HS3ST2: variants seen among roughly 807,000 people sequenced by gnomAD.
HS3ST2 encodes the protein heparan sulfate glucosamine 3-O-sulfotransferase 2.
Under a neutral mutation model 26.3 loss-of-function variants are expected in HS3ST2, and 17 were observed. The observed-to-expected ratio is 0.65, with a 90% CI of 0.44 to 0.97. The LOEUF (loss-of-function observed/expected upper bound fraction) is 0.97. Ranked by LOEUF, HS3ST2 falls within the 50% of genes least tolerant of loss-of-function variation. The probability of loss-of-function intolerance (pLI) is 0.00; values close to 1 mark genes in which losing one functional copy is unlikely to be tolerated. For missense variants in HS3ST2, 402 were observed against 501.2 expected (o/e 0.80, Z 1.89); for synonymous variants, 237 against 219.2 (o/e 1.08, Z -0.72).
intron 1 of HS3ST2, among the ~76,000 whole-genome samples, chr16:22,899,108 T>C (rs911535969): frequency 2.0e-5 from 3 of 152,156 alleles, no homozygotes; most frequent in African/African-American, 7.2e-5. Context: ...TAAAGCTTGG[T>C]GTTAACAAAC....
chr16:22,892,162 T>C (rs1310418854), intron 1 of HS3ST2, among the ~76,000 whole-genome samples: 9 of 146,818 alleles, frequency 6.1e-5, no homozygotes, highest in Middle Eastern at 3.3e-3. Flanking sequence ...TGGTGGCAGG[T>C]GCCTATAGTC....
intron 1 of HS3ST2, among the ~76,000 whole-genome samples, chr16:22,898,620 G>A (rs1441925137): frequency 2.6e-5 from 4 of 152,164 alleles, no homozygotes; most frequent in Non-Finnish European, 5.9e-5. Flanking sequence ...GCTGGGTTTT[G>A]CAAATGCCTT....
At chr16:22,842,017 G>A (rs1596610865) in intron 1 of HS3ST2, among the ~76,000 whole-genome samples, 1 of 140,630 alleles carries the variant, frequency 7.1e-6, no homozygotes, top group South Asian at 2.3e-4. Context: ...GTTTTTCGCT[G>A]TATCTTTGGT....
Position 22,815,052 on chromosome 16 carries a change from C to T in HS3ST2, c.442C>T (p.His148Tyr). Reference sequence around the variant, plus strand: ...CGTGCGGGCCTTGGGCACGGAACCCCACTTCTTTGACAGGAACTACGGCCG... The same window carrying T: ...CGTGCGGGCCTTGGGCACGGAACCCTACTTCTTTGACAGGAACTACGGCCG... ...PDVRALGTEP[H>Y]FFDRNYGRGL... Residue 148 changes from histidine to tyrosine, a missense_variant, in exon 1 of 2, where the codon CAC (histidine) becomes TAC (tyrosine). Coordinates refer to ENST00000261374, the MANE Select transcript of HS3ST2 (RefSeq NM_006043.2). The T allele has an allele frequency of 1.2e-6, 2 of 1,613,134 alleles. No individual in the cohort carries two copies. The highest frequency in any genetic ancestry group is 1.7e-6 in the Non-Finnish European group (2 of 1,180,022).
Position 22,916,301 on chromosome 16 carries a change from G to C in HS3ST2, c.*739G>C, listed in dbSNP as rs1902495648. 6.5e-6 allele frequency: 1 copy of C among 152,688 alleles called. No individual in the cohort carries two copies. The highest frequency in any genetic ancestry group is 2.1e-4 in the South Asian group (1 of 4,828). 9.5% of individuals were successfully genotyped at this position (152,688 alleles called of 1,614,324 possible). On this transcript the variant is annotated 3_prime_UTR_variant, in exon 2 of 2. Coordinates refer to ENST00000261374, the MANE Select transcript of HS3ST2 (RefSeq NM_006043.2). Reference sequence around the variant, plus strand: ...TTCAGCATGCAATGGAATCATGCTTGTCCATGTGAAATAAATATGGCTCTC... The same window carrying C: ...TTCAGCATGCAATGGAATCATGCTTCTCCATGTGAAATAAATATGGCTCTC...
chr16:22,837,576 T>TAC (rs1210442665), intron 1 of HS3ST2, among the ~76,000 whole-genome samples: 6 of 136,588 alleles, frequency 4.4e-5, no homozygotes, highest in Non-Finnish European at 9.4e-5. Flanking sequence ...CATATATATA[T>TAC]ATACACACAC....
chr16:22,848,169 G>A (rs1901470509), intron 1 of HS3ST2, among the ~76,000 whole-genome samples: 1 of 152,140 alleles, frequency 6.6e-6, no homozygotes, highest in Non-Finnish European at 1.5e-5. Flanking sequence ...AATGTAGCTG[G>A]AAGAGCCTGG....
At chr16:22,903,029 G>A (rs575460615) in intron 1 of HS3ST2, among the ~76,000 whole-genome samples, 1 of 152,208 alleles carries the variant, frequency 6.6e-6, no homozygotes, top group South Asian at 2.1e-4. Flanking sequence ...TTTATTTATG[G>A]TATTTTTCTA....
Position 22,908,496 on chromosome 16 carries a change from C to G in HS3ST2, c.486-6448C>G, listed in dbSNP as rs183046555. On this transcript the variant is annotated intron_variant, in intron 1 of 1. Transcript: ENST00000261374. The stretch of plus-strand genomic sequence containing the variant: ...ATAAAGAAAATGAATTTATTTCTTA[C>G]AGTTATTGAGGTTGAGAAGTCCAAG... Among the ~76,000 whole-genome samples the G allele has an allele frequency of 1.3e-3, 196 of 152,228 alleles. 1 individual carries two copies. The highest frequency in any genetic ancestry group is 4.6e-3 in the African/African-American group (190 of 41,526).
chr16:22,867,079 T>G (rs1461969171), intron 1 of HS3ST2, among the ~76,000 whole-genome samples: 3 of 152,188 alleles, frequency 2.0e-5, no homozygotes, highest in African/African-American at 7.2e-5. Context: ...TAATTAAAAG[T>G]ATAGTACTGC....
At chr16:22,824,067 A>G (rs940958601) in intron 1 of HS3ST2, among the ~76,000 whole-genome samples, 2 of 152,212 alleles carry the variant, frequency 1.3e-5, no homozygotes, top group Admixed American at 6.5e-5. Context: ...GTATCTGTAG[A>G]CGTCAGTGTC....
At chr16:22,895,145 A>G (rs1208646927) in intron 1 of HS3ST2, among the ~76,000 whole-genome samples, 1 of 148,816 alleles carries the variant, frequency 6.7e-6, no homozygotes, top group Non-Finnish European at 1.5e-5. Context: ...ACTGGAGTGC[A>G]GTGGCATGAT....
At chr16:22,874,662 T>A (rs1409202502) in intron 1 of HS3ST2, among the ~76,000 whole-genome samples, 1 of 152,238 alleles carries the variant, frequency 6.6e-6, no homozygotes, top group Non-Finnish European at 1.5e-5. Context: ...CAGAGGCACC[T>A]GCTGGGGCTG....
At chr16:22,851,296 C>T (rs971958859) in intron 1 of HS3ST2, among the ~76,000 whole-genome samples, 2 of 152,202 alleles carry the variant, frequency 1.3e-5, no homozygotes, top group Non-Finnish European at 2.9e-5. Context: ...TATAAACCAC[C>T]TGCATTTTAT....
At chr16:22,840,950 G>A (rs1382083017) in intron 1 of HS3ST2, among the ~76,000 whole-genome samples, 2 of 150,994 alleles carry the variant, frequency 1.3e-5, no homozygotes, top group African/African-American at 2.4e-5. Context: ...ATCTCCTAAT[G>A]CTATTCCTCC....
chr16:22,829,953 G>A (rs1333840645), intron 1 of HS3ST2, among the ~76,000 whole-genome samples: 2 of 152,144 alleles, frequency 1.3e-5, no homozygotes, highest in Non-Finnish European at 2.9e-5. Context: ...TCAATATGAG[G>A]GAAGCTGGGG....
chr16:22,824,827 G>T (rs2141175852), intron 1 of HS3ST2, among the ~76,000 whole-genome samples: 1 of 152,272 alleles, frequency 6.6e-6, no homozygotes, highest in Non-Finnish European at 1.5e-5. Context: ...CAATTAAAGG[G>T]AGATGGCTTT....
intron 1 of HS3ST2, among the ~76,000 whole-genome samples, chr16:22,836,183 A>T (rs1901251334): frequency 6.6e-6 from 1 of 152,230 alleles, no homozygotes; most frequent in African/African-American, 2.4e-5. Context: ...TTTAATCCTC[A>T]TAAAACTCTG....
intron 1 of HS3ST2, among the ~76,000 whole-genome samples, chr16:22,820,814 T>C (rs1900980504): frequency 6.6e-6 from 1 of 152,220 alleles, no homozygotes; most frequent in Admixed American, 6.5e-5. Context: ...GCTACACACA[T>C]TGTTAAGCCT....
Sources: gnomAD v4.1 joint callset for allele counts (sites outside exome capture counted in the v4.1 genomes callset) on GRCh38, gnomAD v4.1.1 for gene constraint, MANE v1.5 for transcripts, NCBI Gene and HGNC (gene_info 2026-07-23, HGNC 2026-07-21) for gene names.